ITPA: variants seen among roughly 807,000 people sequenced by gnomAD.
The protein encoded by ITPA is inosine triphosphatase, also known as inosine triphosphate pyrophosphatase.
Under a neutral mutation model 29.6 loss-of-function variants are expected in ITPA, and 29 were observed. The observed-to-expected ratio is 0.98, with a 90% CI of 0.73 to 1.34. ITPA has a LOEUF of 1.34. Ranked by LOEUF, ITPA falls within the 40% of genes most tolerant of loss-of-function variation. ITPA has a pLI of 0.00. For synonymous variants in ITPA, 103 were observed against 99.3 expected (o/e 1.04, Z -0.22); for missense variants, 241 against 251.5 (o/e 0.96, Z 0.28).
chr20:3,213,124 A>G, intron 1 of ITPA, 45 bp from the exon 2 acceptor site: 1 of 1,556,958 alleles, frequency 6.4e-7, no homozygotes, highest in Non-Finnish European at 8.9e-7. Context: ...GCTCACATGG[A>G]GAATCACTAG....
chr20:3,207,696 A>AAAC (rs369887745), upstream of ITPA, among the ~76,000 whole-genome samples: 132 of 150,696 alleles, frequency 8.8e-4, no homozygotes, highest in East Asian at 1.2e-3. Flanking sequence ...CTCCATCTCA[A>AAAC]AACAACAACA....
At chr20:3,205,131 T>G (rs2067061880), upstream of ITPA, among the ~76,000 whole-genome samples, 1 of 152,034 alleles carries the variant, frequency 6.6e-6, no homozygotes. Flanking sequence ...ATTACAGGCG[T>G]GAGCCACCGC....
chr20:3,216,303 G>A (rs1295765000), intron 5 of ITPA, among the ~76,000 whole-genome samples: 1 of 151,462 alleles, frequency 6.6e-6, no homozygotes, highest in African/African-American at 2.4e-5. Context: ...GGGACTACAG[G>A]CACGTGCCAC....
upstream of ITPA, among the ~76,000 whole-genome samples, chr20:3,207,189 A>C (rs2067077299): frequency 6.6e-6 from 1 of 152,090 alleles, no homozygotes; most frequent in South Asian, 2.1e-4. Flanking sequence ...TCCCAGGCTC[A>C]GGTGATCCTC....
Position 3,221,884 on chromosome 20 carries a change from A to AC in ITPA, c.459dup (p.Cys154LeufsTer5), listed in dbSNP as rs751797711. 1 of 1,613,524 alleles carries AC rather than the reference A, an allele frequency of 6.2e-7. No individual in the cohort carries two copies. Among genetic ancestry groups the AC allele is most frequent in the Non-Finnish European group, 8.5e-7 (1 of 1,179,956 alleles). ...AGAGGCTGCCAGGACTTTGGCTGGG[A>AC]CCCCTGCTTTCAGCCTGATGGATAT... On this transcript the variant is annotated frameshift_variant, in exon 7 of 8. Transcript: ENST00000380113. LOFTEE classifies it high-confidence loss of function.
At chr20:3,206,170 C>T (rs1747210189), upstream of ITPA, among the ~76,000 whole-genome samples, 1 of 151,770 alleles carries the variant, frequency 6.6e-6, no homozygotes, top group Non-Finnish European at 1.5e-5. Flanking sequence ...GGGTGGATCA[C>T]CTGAACTCAG....
chr20:3,204,666 A>C (rs1332543677), upstream of ITPA: 1 of 1,545,016 alleles, frequency 6.5e-7, no homozygotes, highest in Non-Finnish European at 8.7e-7. Flanking sequence ...GTCCACCCTG[A>C]GGCCGGGATC....
intron 5 of ITPA, 103 bp downstream of exon 5, chr20:3,215,415 C>T (rs1262005176): frequency 1.9e-6 from 2 of 1,042,104 alleles, no homozygotes; most frequent in African/African-American, 1.6e-5. Context: ...CAGGTTCTAG[C>T]CCCCACCATG....
rs1346504214 is a variant in ITPA at position 3,209,620 on chromosome 20, G to C, written c.66+3G>C. 6 of 1,613,872 alleles carry C rather than the reference G, an allele frequency of 3.7e-6. No individual in the cohort carries two copies. The East Asian group carries it at 1.3e-4, about 36-fold the overall frequency. ...GGAACGCCAAGAAGCTGGAGGAGGT[G>C]CCGGGAGGGTGTTGGGGGCTAACTG... On this transcript the variant is annotated splice_donor_region_variant and intron_variant, in intron 1 of 7. Coordinates refer to ENST00000380113, the MANE Select transcript of ITPA (RefSeq NM_033453.4). This position sits in a 1 kb window ranked among gnomAD's most constrained non-coding sequence, Gnocchi z 4.6.
At chr20:3,213,828 A>C (rs2067228106) in intron 3 of ITPA, among the ~76,000 whole-genome samples, 157 bp from the exon 4 acceptor site, 2 of 152,298 alleles carry the variant, frequency 1.3e-5, no homozygotes, top group South Asian at 4.1e-4. Context: ...GATTGGCCAA[A>C]GTTAAGAGAT....
chr20:3,207,377 T>G (rs1568503762), upstream of ITPA, among the ~76,000 whole-genome samples: 1 of 152,142 alleles, frequency 6.6e-6, no homozygotes, highest in Non-Finnish European at 1.5e-5. Context: ...ACACCTACTA[T>G]GTACCAGGAG....
rs760868571 is a variant in ITPA, at chr20:3,213,985, G to T, written c.190G>T (p.Val64Leu). The T allele has an allele frequency of 3.5e-5, 56 of 1,614,020 alleles. No homozygotes were observed. The highest frequency in any genetic ancestry group is 1.6e-4 in the Middle Eastern group (1 of 6,082). ...IQKCQEAVRQ[V>L]QGPVLVEDTC... ...AGGGCTGTATGTCTTTGTGCTGCAG[G>T]TACAGGGGCCCGTGCTGGTTGAGGA... Residue 64 changes from valine (V) to leucine (L), a missense_variant and splice_region_variant, in exon 4 of 8, where the codon GTA becomes TTA. By Grantham distance (32) the Val-to-Leu change is conservative. Coordinates refer to ENST00000380113, the MANE Select transcript of ITPA (RefSeq NM_033453.4).
At chr20:3,206,552 C>T (rs1169286031), upstream of ITPA, among the ~76,000 whole-genome samples, 3 of 151,664 alleles carry the variant, frequency 2.0e-5, no homozygotes, top group Admixed American at 6.6e-5. Flanking sequence ...CAAAATTAGC[C>T]GGGTGTGGTG....
At chr20:3,211,720 C>A (rs143030216) in intron 1 of ITPA, among the ~76,000 whole-genome samples, 1 of 152,018 alleles carries the variant, frequency 6.6e-6, no homozygotes, top group African/African-American at 2.4e-5. Flanking sequence ...CTCGAACTCC[C>A]GACCTCAGGT....
rs777528511 is a variant in ITPA at position 3,213,341 on chromosome 20, G to A, written c.147G>A (p.Pro49=). The part of the protein sequence containing the change: ...KIDLPEYQGE[P]DEISIQKCQE... ...AAGTGCCGGAGTACCAGGGGGAGCC[G>A]GATGAGATTTCCATACAGAAATGTC... Residue 49 remains proline (P), a synonymous_variant, in exon 3 of 8, where the codon CCG becomes CCA. Transcript: ENST00000380113. 58 of 1,613,988 alleles carry A rather than the reference G, an allele frequency of 3.6e-5. No homozygotes were observed. The highest frequency in any genetic ancestry group is 4.6e-5 in the Non-Finnish European group (54 of 1,180,018).
At chr20:3,209,464 G>A (rs1293914794), upstream of ITPA, 9 of 1,257,986 alleles carry the variant, frequency 7.2e-6, no homozygotes, top group Non-Finnish European at 8.1e-6. This position sits in a 1 kb window ranked among gnomAD's most constrained non-coding sequence, Gnocchi z 4.6. Flanking sequence ...CGGAAACTGA[G>A]CCGTTCACTT....
rs748655979 is a variant in ITPA at position 3,218,561 on chromosome 20, G to A, written c.340G>A (p.Ala114Thr). The A allele has an allele frequency of 1.2e-6, 2 of 1,613,986 alleles. No homozygotes were observed. Among genetic ancestry groups the A allele is most frequent in the South Asian group, 1.1e-5 (1 of 91,086 alleles). ...CGGGTTCGAGGACAAGTCAGCCTAT[G>A]CGCTCTGCACGTTTGCACTCAGCAC... is the stretch of plus-strand genomic sequence containing the variant. The part of the protein sequence containing the change: ...LAGFEDKSAY[A>T]LCTFALSTGD... The change falls in exon 6 of 8, where the codon GCG becomes ACG. Residue 114 changes from alanine (A) to threonine (T), a missense_variant. Coordinates refer to ENST00000380113, the MANE Select transcript of ITPA (RefSeq NM_033453.4).
chr20:3,225,128 G>C (rs957502672), downstream of ITPA, among the ~76,000 whole-genome samples: 4 of 152,136 alleles, frequency 2.6e-5, no homozygotes, highest in African/African-American at 9.7e-5. Flanking sequence ...CCCGAGCCTA[G>C]GGAAATGGAG....
upstream of ITPA, among the ~76,000 whole-genome samples, chr20:3,204,975 C>T (rs569280779): frequency 7.9e-5 from 12 of 151,968 alleles, no homozygotes; most frequent in Non-Finnish European, 1.3e-4. Flanking sequence ...CTCAGACTCC[C>T]GAGTAGCTGG....
Sources: allele counts gnomAD v4.1 joint callset (sites outside exome capture counted in the v4.1 genomes callset), GRCh38; gene constraint gnomAD v4.1.1; non-coding constraint Gnocchi (gnomAD v3.1); transcripts MANE v1.5; gene names NCBI Gene and HGNC (gene_info 2026-07-23, HGNC 2026-07-21).